Variants in CTIF observed in about 807,000 individuals in gnomAD.
The protein encoded by CTIF is CBP80/20-dependent translation initiation factor.
Under a neutral mutation model 66.0 loss-of-function variants are expected in CTIF, and 21 were observed. The ratio of observed to expected loss-of-function variants is 0.32; its 90% confidence interval spans 0.23 to 0.46. The LOEUF (loss-of-function observed/expected upper bound fraction) is 0.46, where lower values mean the gene tolerates loss of function less well. Ranked by LOEUF, CTIF falls within the 20% of genes least tolerant of loss-of-function variation. The pLI is 1.00. For missense variants in CTIF, 739 were observed against 812.7 expected (o/e 0.91, Z 1.10); for synonymous variants, 345 against 326.4 (o/e 1.06, Z -0.62).
chr18:48,737,360 C>T (rs528909288), intron 7 of CTIF, among the ~76,000 whole-genome samples: 1 of 152,208 alleles, frequency 6.6e-6, no homozygotes, highest in Non-Finnish European at 1.5e-5. Flanking sequence ...CACTCTGTCA[C>T]GAAGAAGCAG....
intron 7 of CTIF, among the ~76,000 whole-genome samples, chr18:48,726,901 CT>C (rs2092391428): frequency 6.6e-6 from 1 of 152,112 alleles, no homozygotes; most frequent in Non-Finnish European, 1.5e-5. Context: ...AGTCTCACCC[CT>C]CCCAATGTCT....
chr18:48,850,131 C>T (rs1051555027), intron 10 of CTIF, among the ~76,000 whole-genome samples: 1 of 152,182 alleles, frequency 6.6e-6, no homozygotes, highest in Non-Finnish European at 1.5e-5. Flanking sequence ...TTCTTCTGTG[C>T]CTGACTTATT....
rs560632149 is a variant in CTIF at position 48,758,989 on chromosome 18, C to T, written c.1071+584C>T. Among the ~76,000 whole-genome samples the T allele has an allele frequency of 7.2e-5, 11 of 152,188 alleles. No homozygotes were observed. The East Asian group carries it at 9.7e-4, about 13-fold the overall frequency. ...TAAGGTGGCTCCATTCTCAGCATCA[C>T]GCAGGTGCCTACCTGTGCCAGCATG... On this transcript the variant is annotated intron_variant, in intron 8 of 11. Transcript: ENST00000256413.
intron 1 of CTIF, among the ~76,000 whole-genome samples, chr18:48,611,951 G>A (rs142665239): frequency 9.1e-4 from 139 of 152,272 alleles, no homozygotes; most frequent in African/African-American, 3.3e-3. Flanking sequence ...AATTTGGTGG[G>A]GTGACAGGGG....
At chr18:48,593,730 CT>C (rs2089936918) in intron 1 of CTIF, among the ~76,000 whole-genome samples, 1 of 145,696 alleles carries the variant, frequency 6.9e-6, no homozygotes, top group African/African-American at 2.6e-5. Flanking sequence ...TTCTTAAACT[CT>C]GGGAGGTTTT....
rs187944923 is a variant in CTIF, at chr18:48,713,914, C to T, written c.584+2219C>T. ...GCCTGAACACAGAGCGTGTGCTCGT[C>T]GGGGCGCCCCGCTCTAATTCCTCTT... On this transcript the variant is annotated intron_variant, in intron 7 of 11. Coordinates refer to ENST00000256413, the MANE Select transcript of CTIF (RefSeq NM_014772.3). Among the ~76,000 whole-genome samples the T allele has an allele frequency of 4.6e-4, 70 of 152,336 alleles. 1 individual carries two copies. The East Asian group carries it at 0.011, about 24-fold the overall frequency.
At chr18:48,687,737 G>T (rs1866478565) in intron 6 of CTIF, among the ~76,000 whole-genome samples, 1 of 152,218 alleles carries the variant, frequency 6.6e-6, no homozygotes, top group African/African-American at 2.4e-5. Flanking sequence ...AGCCGACTGT[G>T]TGCAAAGGTG....
Position 48,619,679 on chromosome 18 carries a change from G to A in CTIF, c.114G>A (p.Gln38=). Residue 38 remains glutamine (Q), a synonymous_variant, in exon 2 of 12, where the codon CAG becomes CAA. Transcript: ENST00000256413. ...IDSYVLEYQV[Q]GLLADKTEGD... ...GCTACGTGCTGGAGTACCAGGTGCA[G>A]GGGCTGCTGGCTGACAAGACGGAGG... The A allele has an allele frequency of 6.2e-7, 1 of 1,608,288 alleles. No individual in the cohort carries two copies. Among genetic ancestry groups the A allele is most frequent in the Non-Finnish European group, 8.5e-7 (1 of 1,177,620 alleles).
intron 6 of CTIF, among the ~76,000 whole-genome samples, chr18:48,672,371 T>C (rs1252009133): frequency 6.6e-6 from 1 of 152,126 alleles, no homozygotes; most frequent in Non-Finnish European, 1.5e-5. Context: ...TCCAATGCAA[T>C]GTGGGATATT....
intron 7 of CTIF, among the ~76,000 whole-genome samples, chr18:48,724,665 T>C (rs2092370645): frequency 6.6e-6 from 1 of 152,232 alleles, no homozygotes; most frequent in African/African-American, 2.4e-5. Flanking sequence ...GACTGAGAGC[T>C]TTCCCTGCTG....
At chr18:48,797,500 G>GGT (rs1555695552) in intron 9 of CTIF, among the ~76,000 whole-genome samples, 1 of 149,462 alleles carries the variant, frequency 6.7e-6, no homozygotes, top group African/African-American at 2.5e-5. Flanking sequence ...AAAGGGGTGG[G>GGT]GGGGCAAGTT....
At chr18:48,602,795 A>ATGGG (rs1160721067) in intron 1 of CTIF, among the ~76,000 whole-genome samples, 1 of 152,098 alleles carries the variant, frequency 6.6e-6, no homozygotes, top group African/African-American at 2.4e-5. Context: ...GGGTGGATGG[A>ATGGG]TGGGTGGGTG....
At chr18:48,701,703 C>A (rs1391859851) in intron 6 of CTIF, among the ~76,000 whole-genome samples, 1 of 152,154 alleles carries the variant, frequency 6.6e-6, no homozygotes. Flanking sequence ...GTCCCTAGTC[C>A]CTGTTCTTTG....
chr18:48,832,406 A>G (rs910485670), intron 10 of CTIF, among the ~76,000 whole-genome samples: 21 of 152,242 alleles, frequency 1.4e-4, no homozygotes, highest in African/African-American at 5.1e-4. Context: ...TCCTGGGCTC[A>G]AGCAATCCCG....
chr18:48,594,918 T>A (rs56690088), intron 1 of CTIF, among the ~76,000 whole-genome samples: 1 of 152,298 alleles, frequency 6.6e-6, no homozygotes, highest in African/African-American at 2.4e-5. Flanking sequence ...CTTGTCTTGA[T>A]GAACTGCAGG....
At chr18:48,730,712 CGCGGTGTG>C (rs2092447698) in intron 7 of CTIF, among the ~76,000 whole-genome samples, 1 of 71,174 alleles carries the variant, frequency 1.4e-5, no homozygotes, top group South Asian at 4.9e-4. Flanking sequence ...GAGGGGCTTC[CGCGGTGTG>C]AGGGGCTTCC....
intron 9 of CTIF, among the ~76,000 whole-genome samples, chr18:48,781,395 C>T (rs902384179): frequency 1.5e-4 from 23 of 152,238 alleles, no homozygotes; most frequent in Non-Finnish European, 2.6e-4. Flanking sequence ...GGGATTTGGC[C>T]GGGCCCCAGG....
chr18:48,578,579 G>T (rs183146054), intron 1 of CTIF, among the ~76,000 whole-genome samples: 4 of 152,176 alleles, frequency 2.6e-5, no homozygotes, highest in African/African-American at 4.8e-5. Context: ...GACTAATGAC[G>T]TTGAACATCT....
chr18:48,786,818 C>T (rs945355219), intron 9 of CTIF, among the ~76,000 whole-genome samples: 9 of 152,088 alleles, frequency 5.9e-5, no homozygotes, highest in Non-Finnish European at 1.3e-4. Context: ...GGTCCTTCCT[C>T]CTCTCCCACC....
Sources: gnomAD v4.1 joint callset for allele counts (sites outside exome capture counted in the v4.1 genomes callset) on GRCh38, gnomAD v4.1.1 for gene constraint, MANE v1.5 for transcripts, NCBI Gene and HGNC (gene_info 2026-07-23, HGNC 2026-07-21) for gene names.